The following PDZD2 variants were observed in gnomAD, a reference collection of about 807,000 sequenced individuals.
PDZD2 encodes the protein PDZ domain-containing protein 2.
In PDZD2, 90 loss-of-function variants were observed where a neutral mutation model predicts 220.7. The observed-to-expected ratio is 0.41, with a 90% CI of 0.34 to 0.49. PDZD2 has a LOEUF of 0.49. Among genes scored for constraint, PDZD2 ranks in the 20% least tolerant of loss-of-function variants. PDZD2 has a pLI of 0.28. For synonymous variants in PDZD2, 1,375 were observed against 1,450.5 expected, an observed-to-expected ratio of 0.95 and a Z score of 1.18; for missense variants, 3,174 against 3,608.5, an observed-to-expected ratio of 0.88 and a Z score of 3.08.
chr5:32,077,744 G>C, intron 19 of PDZD2, 138 bp downstream of exon 19: 1 of 797,338 alleles, frequency 1.3e-6, no homozygotes, highest in Non-Finnish European at 2.0e-6. Flanking sequence ...ACCACTTGAG[G>C]TCAGGAGTTT....
chr5:31,693,558 T>C (rs78502139), intron 1 of PDZD2, among the ~76,000 whole-genome samples: 1 of 151,364 alleles, frequency 6.6e-6, no homozygotes, highest in Non-Finnish European at 1.5e-5. Context: ...CTTTTTTTTT[T>C]CTGTCTCCTT....
At chr5:31,726,636 C>T (rs1677808135) in intron 1 of PDZD2, among the ~76,000 whole-genome samples, 1 of 152,158 alleles carries the variant, frequency 6.6e-6, no homozygotes, top group Admixed American at 6.5e-5. Flanking sequence ...AGTTTTTGTA[C>T]CCCTCAGCAG....
At chr5:31,724,102 T>TA (rs1053899134) in intron 1 of PDZD2, among the ~76,000 whole-genome samples, 6 of 152,268 alleles carry the variant, frequency 3.9e-5, no homozygotes, top group Admixed American at 2.0e-4. Context: ...CTAACAGCTG[T>TA]AAAAAAACTA....
intron 2 of PDZD2, among the ~76,000 whole-genome samples, chr5:31,910,604 G>T (rs2089200): frequency 6.6e-6 from 1 of 151,086 alleles, no homozygotes; most frequent in Non-Finnish European, 1.5e-5. Flanking sequence ...TGTTGGCCAG[G>T]CTAGTCTCGG....
intron 6 of PDZD2, among the ~76,000 whole-genome samples, chr5:32,027,383 A>G (rs1754753145): frequency 6.6e-6 from 1 of 152,194 alleles, no homozygotes; most frequent in Non-Finnish European, 1.5e-5. Flanking sequence ...TTAAATTTCA[A>G]CGCATAAAAA....
intron 2 of PDZD2, among the ~76,000 whole-genome samples, chr5:31,869,363 T>C (rs953871672): frequency 1.3e-5 from 2 of 152,082 alleles, no homozygotes; most frequent in South Asian, 2.1e-4. Context: ...ATCTCTTTTT[T>C]TCTGCCTCCC....
intron 7 of PDZD2, among the ~76,000 whole-genome samples, chr5:32,041,984 G>C (rs1000821846): frequency 6.7e-6 from 1 of 149,736 alleles, no homozygotes; most frequent in African/African-American, 2.5e-5. Flanking sequence ...GGGAGGCCGA[G>C]GTGGGCGGCT....
At chr5:32,057,563 C>T in intron 10 of PDZD2, 92 bp from the exon 11 acceptor site, 2 of 744,776 alleles carry the variant, frequency 2.7e-6, no homozygotes, top group Non-Finnish European at 4.7e-6. Context: ...AAATCAGGGA[C>T]CATATGGTAT....
chr5:31,914,216 C>T (rs1202633463), intron 2 of PDZD2, among the ~76,000 whole-genome samples: 1 of 152,224 alleles, frequency 6.6e-6, no homozygotes, highest in Non-Finnish European at 1.5e-5. Context: ...ATTGCATTGT[C>T]ATTCCAGTAA....
At chr5:31,755,936 G>C (rs1751282435) in intron 1 of PDZD2, among the ~76,000 whole-genome samples, 2 of 152,036 alleles carry the variant, frequency 1.3e-5, no homozygotes, top group Non-Finnish European at 2.9e-5. Context: ...AGCCCTCATT[G>C]ACTCCAACTC....
At position 32,058,011 on chromosome 5, in the gene PDZD2, C is replaced by T. The variant is rs542284593; in HGVS notation, c.2108C>T (p.Ala703Val). ...TTCAATACCAGTGGGGGAGCCTCAG[C>T]GGGAGGTTCCGATGAAGGCAGTTCT... is the stretch of plus-strand genomic sequence containing the variant. The part of the protein sequence containing the change: ...PNFNTSGGAS[A>V]GGSDEGSSSS... Residue 703 changes from alanine to valine, a missense_variant, in exon 12 of 25, where the codon GCG becomes GTG. Ala to Val is a moderately conservative substitution (Grantham distance 64). This residue lies in a region of PDZD2 where 1,861 missense variants were observed against 2,001.0 expected (regional missense o/e 0.93). Transcript: ENST00000438447. 1.3e-4 allele frequency: 210 copies of T among 1,611,674 alleles called. No homozygotes were observed. Among genetic ancestry groups the T allele is most frequent in the Admixed American group, 2.8e-4 (17 of 59,988 alleles).
chr5:32,003,340 CACACACACA>C, intron 5 of PDZD2, among the ~76,000 whole-genome samples: 1 of 64,760 alleles, frequency 1.5e-5, no homozygotes, highest in East Asian at 4.1e-4. Flanking sequence ...CCCACCACAC[CACACACACA>C]CCACACACCA....
chr5:32,108,153 T>C lies in PDZD2; in HGVS notation c.*18T>C, dbSNP rs1744978428. ...CTTCATGAATTTTAACAAGAATCAT[T>C]TTCTCAGTTCTCTTCTTTCTTTAGC... On this transcript the variant is annotated 3_prime_UTR_variant, in exon 25 of 25. Coordinates refer to ENST00000438447, the MANE Select transcript of PDZD2 (RefSeq NM_178140.4). 6.4e-7 allele frequency: 1 copy of C among 1,555,326 alleles called. No individual in the cohort carries two copies.
Position 32,088,908 on chromosome 5 carries a change from G to T in PDZD2, c.5460G>T (p.Lys1820Asn). The T allele has an allele frequency of 1.2e-6, 2 of 1,613,834 alleles. No individual in the cohort carries two copies. Among genetic ancestry groups the T allele is most frequent in the Non-Finnish European group, 1.7e-6 (2 of 1,179,932 alleles). ...QGTHLRSKTEKEQPLMPARSP... is the reference protein window; with the variant it reads ...QGTHLRSKTENEQPLMPARSP... ...CACATTTGAGGAGCAAAACCGAGAA[G>T]GAACAACCTCTAATGCCTGCCAGAA... Residue 1820 changes from lysine to asparagine, a missense_variant, in exon 20 of 25, where the codon AAG becomes AAT. Transcript: ENST00000438447. This position sits in a 1 kb window ranked among gnomAD's most constrained non-coding sequence, Gnocchi z 4.6.
At chr5:31,671,872 C>T (rs1291141309) in intron 1 of PDZD2, among the ~76,000 whole-genome samples, 2 of 152,202 alleles carry the variant, frequency 1.3e-5, no homozygotes, top group Admixed American at 6.5e-5. Context: ...TGCCTCTCTG[C>T]TGAAGCTGCT....
chr5:32,078,822 T>C (rs1251370400), intron 19 of PDZD2, among the ~76,000 whole-genome samples: 2 of 143,838 alleles, frequency 1.4e-5, no homozygotes, highest in Non-Finnish European at 3.0e-5. Context: ...AAAAAAAAAG[T>C]GTGGGGTGTG....
Position 32,104,791 on chromosome 5 carries a change from A to AAAGT in PDZD2, c.8354-3173_8354-3170dup, listed in dbSNP as rs762252803. Among the ~76,000 whole-genome samples, 4 of 151,724 alleles carry AAAGT rather than the reference A, an allele frequency of 2.6e-5. No homozygotes were observed. In the East Asian group the frequency reaches 7.7e-4, roughly 29 times the overall value. On this transcript the variant is annotated intron_variant, in intron 24 of 24. Transcript: ENST00000438447. ...ATGGCAAAATTTATAAGCAAATTCA[A>AAAGT]AAGTAAGTGATTAGAAGATATTTAC...
intron 1 of PDZD2, among the ~76,000 whole-genome samples, chr5:31,786,942 C>T (rs1194467321): frequency 2.0e-5 from 3 of 152,112 alleles, no homozygotes; most frequent in Non-Finnish European, 4.4e-5. Flanking sequence ...TAACAGCACA[C>T]TTGGTATGAA....
chr5:31,756,136 G>C (rs938516992), intron 1 of PDZD2, among the ~76,000 whole-genome samples: 4 of 152,176 alleles, frequency 2.6e-5, no homozygotes, highest in African/African-American at 9.7e-5. Context: ...CACTCAGAAA[G>C]GATGGAACGG....
Sources: gnomAD v4.1 joint callset for allele counts (sites outside exome capture counted in the v4.1 genomes callset) on GRCh38, gnomAD v4.1.1 for gene constraint, gnomAD v4.1.1 regional missense constraint, Gnocchi (gnomAD v3.1) non-coding constraint, MANE v1.5 for transcripts, NCBI Gene and HGNC (gene_info 2026-07-23, HGNC 2026-07-21) for gene names.